Variants in CCSER2 observed in about 807,000 individuals in gnomAD.
The protein encoded by CCSER2 is serine-rich coiled-coil domain-containing protein 2.
In CCSER2, 46 loss-of-function variants were observed where a neutral mutation model predicts 92.3. The observed-to-expected ratio is 0.50, with a 90% CI of 0.39 to 0.64. The LOEUF (loss-of-function observed/expected upper bound fraction) is 0.64. CCSER2 is among the 30% of genes least tolerant of loss of function. The pLI, the probability that CCSER2 is intolerant of heterozygous loss-of-function variation, is 0.00. For missense variants in CCSER2, 1,244 were observed against 1,238.9 expected (o/e 1.00, Z -0.06); for synonymous variants, 433 against 431.4 (o/e 1.00, Z -0.04).
chr10:84,484,102 T>C (rs1847655714), intron 9 of CCSER2, among the ~76,000 whole-genome samples: 2 of 150,374 alleles, frequency 1.3e-5, no homozygotes, highest in Non-Finnish European at 1.5e-5. Flanking sequence ...GCCTCCCAAG[T>C]AGCTGGGACT....
In CCSER2 at chr10:84,515,769, T is replaced by G. The variant is rs978601864; in HGVS notation, c.*1502T>G. ...AAAAAATAGAATTGAAGATGGGAAA[T>G]TTTGTTTTATTAAAAAGGTGCTAGA... On this transcript the variant is annotated 3_prime_UTR_variant, in exon 10 of 10. Coordinates refer to ENST00000372088, the MANE Select transcript of CCSER2 (RefSeq NM_001284240.2). 1 of 152,174 alleles carries G rather than the reference T, an allele frequency of 6.6e-6. No homozygotes were observed. Among genetic ancestry groups the G allele is most frequent in the East Asian group, 1.9e-4 (1 of 5,196 alleles). 9.4% of individuals were successfully genotyped at this position (152,174 alleles called of 1,614,324 possible). A position where few individuals can be genotyped will look rare whatever the true frequency, so the allele number is the denominator to read the frequency against.
chr10:84,482,545 T>G (rs1272704792), intron 9 of CCSER2, among the ~76,000 whole-genome samples: 1 of 152,246 alleles, frequency 6.6e-6, no homozygotes, highest in Non-Finnish European at 1.5e-5. Flanking sequence ...TTTAAAAGCA[T>G]TTAACATCAG....
intron 7 of CCSER2, among the ~76,000 whole-genome samples, chr10:84,469,132 G>A (rs529125747): frequency 6.6e-6 from 1 of 152,126 alleles, no homozygotes; most frequent in East Asian, 1.9e-4. Flanking sequence ...ATTATCAATA[G>A]CTTTTAACTA....
intron 3 of CCSER2, among the ~76,000 whole-genome samples, chr10:84,407,155 T>C (rs1387917248): frequency 2.0e-5 from 3 of 152,200 alleles, no homozygotes; most frequent in African/African-American, 7.2e-5. Flanking sequence ...GACCCCTATA[T>C]TCAGTTGTCC....
At chr10:84,387,831 C>G (rs888716788) in intron 3 of CCSER2, among the ~76,000 whole-genome samples, 31 of 151,470 alleles carry the variant, frequency 2.0e-4, no homozygotes, top group African/African-American at 7.5e-4. Context: ...CCCGGCCACA[C>G]TGAAGTAATT....
chr10:84,470,240 AT>A (rs757653289), intron 7 of CCSER2, 131 bp from the exon 8 acceptor site: 239 of 437,166 alleles, frequency 5.5e-4, no homozygotes, highest in Middle Eastern at 1.5e-3. Flanking sequence ...GAAATCTTAG[AT>A]TTTTTTTTAA....
chr10:84,457,891 G>T (rs1366530317), intron 6 of CCSER2, among the ~76,000 whole-genome samples: 1 of 150,882 alleles, frequency 6.6e-6, no homozygotes, highest in Non-Finnish European at 1.5e-5. Flanking sequence ...ACAGGCGAAT[G>T]CCACCACGCC....
chr10:84,393,097 T>G (rs1589531422), intron 3 of CCSER2, among the ~76,000 whole-genome samples: 1 of 152,202 alleles, frequency 6.6e-6, no homozygotes, highest in African/African-American at 2.4e-5. Context: ...TTCTTAAGAT[T>G]TGTGGGTTTT....
chr10:84,417,027 T>C (rs1049621497), intron 3 of CCSER2, among the ~76,000 whole-genome samples: 3 of 152,246 alleles, frequency 2.0e-5, no homozygotes, highest in African/African-American at 7.2e-5. Context: ...AAAGGTCTTA[T>C]GATATTTGGA....
At chr10:84,481,674 T>C (rs1390378487) in intron 9 of CCSER2, among the ~76,000 whole-genome samples, 1 of 152,150 alleles carries the variant, frequency 6.6e-6, no homozygotes, top group African/African-American at 2.4e-5. Context: ...CAGGATGTTT[T>C]TAAGTATAAG....
intron 1 of CCSER2, among the ~76,000 whole-genome samples, chr10:84,335,990 G>A (rs1843815976): frequency 6.6e-6 from 1 of 152,090 alleles, no homozygotes; most frequent in South Asian, 2.1e-4. Flanking sequence ...AGGCAGGGAT[G>A]GCCATCTTTC....
intron 9 of CCSER2, among the ~76,000 whole-genome samples, chr10:84,485,658 A>G (rs1295823296): frequency 1.3e-5 from 2 of 152,184 alleles, no homozygotes; most frequent in Non-Finnish European, 2.9e-5. Flanking sequence ...CAATTTATGA[A>G]TATGGTATGT....
intron 9 of CCSER2, among the ~76,000 whole-genome samples, chr10:84,490,123 G>A (rs555753014): frequency 1.4e-4 from 21 of 152,206 alleles, no homozygotes; most frequent in Admixed American, 1.0e-3. Context: ...TTAGTCTGAC[G>A]GGTTTCCCTT....
At chr10:84,484,395 G>A (rs1459050886) in intron 9 of CCSER2, among the ~76,000 whole-genome samples, 1 of 152,070 alleles carries the variant, frequency 6.6e-6, no homozygotes, top group African/African-American at 2.4e-5. Flanking sequence ...CCACAGGCAT[G>A]AGCCATCCAC....
intron 4 of CCSER2, among the ~76,000 whole-genome samples, chr10:84,421,637 G>A (rs1257233447): frequency 2.0e-5 from 3 of 152,136 alleles, no homozygotes; most frequent in African/African-American, 7.2e-5. Context: ...TAGGGACACA[G>A]AGCCAAACCA....
Position 84,332,840 on chromosome 10 carries a change from T to C in CCSER2, c.-40+4032T>C, listed in dbSNP as rs527533399. Among the ~76,000 whole-genome samples the C allele has an allele frequency of 2.6e-5, 4 of 152,188 alleles. No homozygotes were observed. The South Asian group carries it at 8.3e-4, about 32-fold the overall frequency. ...AAAAAAGTCAGTGATTTTTGTCCTTTGATTGTGTTTTTTGAGAATGAATGC... is the reference window on the plus strand; with the variant it reads ...AAAAAAGTCAGTGATTTTTGTCCTTCGATTGTGTTTTTTGAGAATGAATGC... On this transcript the variant is annotated intron_variant, in intron 1 of 9. Transcript: ENST00000372088.
chr10:84,503,745 C>T (rs1848895193), intron 9 of CCSER2, among the ~76,000 whole-genome samples: 1 of 152,114 alleles, frequency 6.6e-6, no homozygotes, highest in Non-Finnish European at 1.5e-5. Context: ...TTTATTTTTA[C>T]CTTCCATGTG....
At chr10:84,340,141 C>T (rs1249087980) in intron 1 of CCSER2, among the ~76,000 whole-genome samples, 1 of 152,188 alleles carries the variant, frequency 6.6e-6, no homozygotes, top group Admixed American at 6.5e-5. Flanking sequence ...CTGCACCTGG[C>T]CATCACTTTA....
chr10:84,472,892 C>T (rs1846902129), intron 8 of CCSER2: 1 of 152,144 alleles, frequency 6.6e-6, no homozygotes, highest in African/African-American at 2.4e-5. Flanking sequence ...AAGATTTTCT[C>T]AGTTGTTCCA....
Sources: allele counts gnomAD v4.1 joint callset (sites outside exome capture counted in the v4.1 genomes callset), GRCh38; gene constraint gnomAD v4.1.1; transcripts MANE v1.5; gene names NCBI Gene and HGNC (gene_info 2026-07-23, HGNC 2026-07-21).